The following TRPC5OS variants were observed in gnomAD, a reference collection of about 807,000 sequenced individuals.
TRPC5OS encodes putative uncharacterized protein TRPC5OS.
For missense variants in TRPC5OS, 64 were observed against 79.3 expected (o/e 0.81, Z 0.73); for synonymous variants, 30 against 29.3 (o/e 1.02, Z -0.08).
intron 3 of TRPC5OS, among the ~76,000 whole-genome samples, chrX:111,897,858 C>T (rs1418578366): frequency 9.0e-6 from 1 of 111,272 alleles, no homozygotes; most frequent in Non-Finnish European, 1.9e-5. Context: ...GTAAAAGTCA[C>T]TTTGTGAACT....
chrX:111,900,427 T>C (rs1483661933), intron 3 of TRPC5OS, among the ~76,000 whole-genome samples: 4 of 111,969 alleles, frequency 3.6e-5, no homozygotes, highest in Middle Eastern at 9.2e-3. Context: ...TGATCAGCCA[T>C]ATAGACCTGG....
intron 1 of TRPC5OS, among the ~76,000 whole-genome samples, chrX:111,892,413 A>T (rs1176242494): frequency 8.9e-6 from 1 of 112,116 alleles, no homozygotes; most frequent in Non-Finnish European, 1.9e-5. Context: ...ATGCTTTGAA[A>T]GAATCATTGT....
chrX:111,886,551 G>A (rs1052290731), intron 1 of TRPC5OS, among the ~76,000 whole-genome samples: 1 of 111,520 alleles, frequency 9.0e-6, no homozygotes, highest in South Asian at 3.8e-4. Context: ...GACTTAGTAG[G>A]GTCAAGCCTC....
At chrX:111,883,182 G>A (rs1389050763) in intron 1 of TRPC5OS, among the ~76,000 whole-genome samples, 2 of 112,077 alleles carry the variant, frequency 1.8e-5, no homozygotes, top group African/African-American at 6.5e-5. Context: ...TACCTCATTA[G>A]GATATTGTTA....
At chrX:111,899,305 T>C (rs549569417) in intron 3 of TRPC5OS, among the ~76,000 whole-genome samples, 1 of 111,548 alleles carries the variant, frequency 9.0e-6, no homozygotes, top group African/African-American at 3.2e-5. Context: ...AAATATGGAA[T>C]GTTCTACCTC....
At chrX:111,894,842 C>G (rs141342095) in intron 1 of TRPC5OS, among the ~76,000 whole-genome samples, 3,402 of 111,471 alleles carry the variant, frequency 0.031, 118 homozygotes, top group African/African-American at 0.11. Context: ...TAGAACATTA[C>G]CAGCACCCCA....
chrX:111,879,882 G>A (rs776847386), intron 1 of TRPC5OS, among the ~76,000 whole-genome samples: 5 of 110,483 alleles, frequency 4.5e-5, no homozygotes, highest in Non-Finnish European at 1.9e-5. Context: ...GTGCTAGTGT[G>A]ATTTAGGATT....
intron 1 of TRPC5OS, among the ~76,000 whole-genome samples, chrX:111,888,370 G>A (rs1048210856): frequency 1.8e-5 from 2 of 109,331 alleles, no homozygotes; most frequent in Admixed American, 9.8e-5. Flanking sequence ...GATCACTGTC[G>A]GTCCTGTTGA....
chrX:111,901,983 G>C lies in TRPC5OS; in HGVS notation c.134G>C (p.Arg45Thr), dbSNP rs952943889. 8.7e-7 allele frequency: 1 copy of C among 1,155,484 alleles called. No homozygotes were observed. The highest frequency in any genetic ancestry group is 2.6e-5 in the Admixed American group (1 of 38,706). The change falls in exon 4 of 4, where the codon AGA (arginine) becomes ACA (threonine). Residue 45 changes from arginine to threonine, a missense_variant. Physicochemically the swap from Arg to Thr is moderately conservative, Grantham distance 71 (BLOSUM62 -1). Transcript: ENST00000635763. ...GTTCCTTATGTAGAAGAAAATGGTA[G>C]AGCAGAAGAGACTGAAGCAGATGCA... is the stretch of plus-strand genomic sequence containing the variant. ...QEVPYVEENG[R>T]AEETEADAPL... is the part of the protein sequence containing the mutation.
chrX:111,902,180 G>C lies in TRPC5OS; in HGVS notation c.331G>C (p.Asp111His). ...TGGTATAAATGATGACTTAACAGGT[G>C]ACTAAGACCCAATTTCTGCCCCCGT... ...VSGINDDLTG[D>H] The change falls in exon 4 of 4, where the codon GAC (aspartate) becomes CAC (histidine). Residue 111 changes from aspartate (D) to histidine (H), a missense_variant. Coordinates refer to ENST00000635763, the MANE Select transcript of TRPC5OS (RefSeq NM_001195578.2). The C allele has an allele frequency of 9.1e-7, 1 of 1,103,805 alleles. No individual in the cohort carries two copies. Among genetic ancestry groups the C allele is most frequent in the Non-Finnish European group, 1.2e-6 (1 of 845,449 alleles). 91.0% of individuals were successfully genotyped at this position (1,103,805 alleles called of 1,213,427 possible).
rs1257127381 is a variant in TRPC5OS, at chrX:111,903,935, A to G, written c.*1750A>G. On this transcript the variant is annotated 3_prime_UTR_variant, in exon 4 of 4. Coordinates refer to ENST00000635763, the MANE Select transcript of TRPC5OS (RefSeq NM_001195578.2). ...ATTAGCTATTGATCTAAACCATTTT[A>G]TTGTTTTCTTTCAAGAGATTTTAAC... The G allele has an allele frequency of 8.9e-6, 1 of 112,279 alleles. No homozygotes were observed. Among genetic ancestry groups the G allele is most frequent in the Non-Finnish European group, 1.9e-5 (1 of 53,260 alleles). 9.3% of individuals were successfully genotyped at this position (112,279 alleles called of 1,213,427 possible).
chrX:111,893,095 T>G (rs1924883683), intron 1 of TRPC5OS, among the ~76,000 whole-genome samples: 1 of 108,103 alleles, frequency 9.3e-6, no homozygotes, highest in Non-Finnish European at 1.9e-5. Context: ...TTTTTTTTTT[T>G]CGGATACCAG....
chrX:111,902,697 C>CA lies in TRPC5OS; in HGVS notation c.*518dup, dbSNP rs1363736051. ...ATCCTTTAAGAAAGCATGTGTCCGA[C>CA]AAAAAATGCTATAGCAGACTAAGGG... On this transcript the variant is annotated 3_prime_UTR_variant, in exon 4 of 4. Transcript: ENST00000635763. The CA allele has an allele frequency of 8.9e-6, 1 of 111,934 alleles. No individual in the cohort carries two copies. The highest frequency in any genetic ancestry group is 3.2e-5 in the African/African-American group (1 of 30,820). 9.2% of individuals were successfully genotyped at this position (111,934 alleles called of 1,213,427 possible). A position where few individuals can be genotyped will look rare whatever the true frequency, so the allele number is the denominator to read the frequency against.
intron 1 of TRPC5OS, among the ~76,000 whole-genome samples, chrX:111,885,780 C>T (rs1603076275): frequency 9.0e-6 from 1 of 111,082 alleles, no homozygotes. Flanking sequence ...TCAAAAGCCA[C>T]ACTTTTTTAC....
chrX:111,882,237 C>T (rs773057026), intron 1 of TRPC5OS, among the ~76,000 whole-genome samples: 2 of 107,135 alleles, frequency 1.9e-5, no homozygotes, highest in Non-Finnish European at 3.9e-5. Flanking sequence ...AAAAGAGTAT[C>T]CCCCTGGTTT....
At chrX:111,896,831 A>G (rs1455707178) in intron 3 of TRPC5OS, among the ~76,000 whole-genome samples, 1 of 111,902 alleles carries the variant, frequency 8.9e-6, no homozygotes, top group Admixed American at 9.5e-5. Flanking sequence ...TTATGTGATC[A>G]TGGGCAAATT....
intron 1 of TRPC5OS, among the ~76,000 whole-genome samples, chrX:111,891,729 T>C (rs1245568983): frequency 9.1e-6 from 1 of 110,460 alleles, no homozygotes; most frequent in African/African-American, 3.3e-5. Context: ...TTTGTAGTTT[T>C]GTAGAGACGG....
chrX:111,877,403 T>G (rs1603069547), intron 1 of TRPC5OS, among the ~76,000 whole-genome samples: 1 of 111,441 alleles, frequency 9.0e-6, no homozygotes, highest in African/African-American at 3.3e-5. Flanking sequence ...TTAGTTGTGG[T>G]GACTTAGTGT....
Position 111,901,886 on chromosome X carries a change from C to T in TRPC5OS, c.37C>T (p.Leu13Phe). The T allele has an allele frequency of 8.7e-7, 1 of 1,150,905 alleles. No individual in the cohort carries two copies. The highest frequency in any genetic ancestry group is 1.1e-6 in the Non-Finnish European group (1 of 870,350). The allele number at this position is 1,150,905 out of a possible 1,213,427, so 94.8% of individuals were successfully genotyped here. Reference protein sequence around the residue: ...SVLIHVLIDGLVACVAQLIRI... With the variant: ...SVLIHVLIDGFVACVAQLIRI... Reference sequence around the variant, plus strand: ...GTTAATTCATGTACTCATTGATGGACTTGTTGCTTGTGTAGCCCAGTTAAT... The same window carrying T: ...GTTAATTCATGTACTCATTGATGGATTTGTTGCTTGTGTAGCCCAGTTAAT... The change falls in exon 4 of 4, where the codon CTT (leucine) becomes TTT (phenylalanine). Residue 13 changes from leucine to phenylalanine, a missense_variant. Coordinates refer to ENST00000635763, the MANE Select transcript of TRPC5OS (RefSeq NM_001195578.2).
Sources: allele counts gnomAD v4.1 joint callset (sites outside exome capture counted in the v4.1 genomes callset), GRCh38; gene constraint gnomAD v4.1.1; transcripts MANE v1.5; gene names NCBI Gene and HGNC (gene_info 2026-07-23, HGNC 2026-07-21).